Variants in VPS13C observed in about 807,000 individuals in gnomAD.
The protein encoded by VPS13C is vacuolar protein sorting 13 homolog C.
Under a neutral mutation model 456.8 loss-of-function variants are expected in VPS13C, and 358 were observed. That is an observed-to-expected ratio of 0.78 (90% confidence interval 0.72 to 0.86). VPS13C has a LOEUF of 0.86. VPS13C is among the 40% of genes least tolerant of loss of function. VPS13C has a pLI of 0.00. For synonymous variants in VPS13C, 1,578 were observed against 1,486.7 expected, an observed-to-expected ratio of 1.06 and a Z score of -1.41; for missense variants, 4,818 against 4,385.4, an observed-to-expected ratio of 1.10 and a Z score of -2.79.
chr15:61,941,835 G>A lies in VPS13C; in HGVS notation c.5381C>T (p.Pro1794Leu), dbSNP rs2044436713. Residue 1794 changes from proline (P) to leucine (L), a missense_variant, in exon 46 of 85, where the codon CCT becomes CTT. This residue lies in a region of VPS13C where 4,552 missense variants were observed against 4,130.6 expected (regional missense o/e 1.10). Coordinates refer to ENST00000644861, the MANE Select transcript of VPS13C (RefSeq NM_020821.3). ...TGGAGGAAGAGAATAATGTTCCATA[G>A]GAACCAAGCTAAACTTGTTTTCAAC... The part of the protein sequence containing the change: ...IRVENKFSLV[P>L]MEHYSLPPVI... The A allele has an allele frequency of 6.2e-7, 1 of 1,613,878 alleles. No homozygotes were observed. The highest frequency in any genetic ancestry group is 8.5e-7 in the Non-Finnish European group (1 of 1,179,822).
In VPS13C at chr15:61,917,554, T is replaced by C; in HGVS notation, c.7842A>G (p.Glu2614=). The change falls in exon 60 of 85, where the codon GAA becomes GAG. Residue 2614 remains glutamate (E), a synonymous_variant. Coordinates refer to ENST00000644861, the MANE Select transcript of VPS13C (RefSeq NM_020821.3). ...ESTTYISWKE[E]LHRSREVRCM... The stretch of plus-strand genomic sequence containing the variant: ...ATCTGACTTCCCTGCTCCTATGAAG[T>C]TCTTCCTTCCAGGAAATATAAGTGG... 9.3e-6 allele frequency: 15 copies of C among 1,614,028 alleles called. No individual in the cohort carries two copies. The highest frequency in any genetic ancestry group is 1.3e-5 in the Non-Finnish European group (15 of 1,179,898).
intron 79 of VPS13C, among the ~76,000 whole-genome samples, chr15:61,870,006 C>G: frequency 6.6e-6 from 1 of 151,986 alleles, no homozygotes; most frequent in East Asian, 1.9e-4. Flanking sequence ...TTAATGCTGA[C>G]CGTTAGATTT....
At chr15:61,900,132 T>A (rs989388923) in intron 66 of VPS13C, among the ~76,000 whole-genome samples, 1 of 152,124 alleles carries the variant, frequency 6.6e-6, no homozygotes, top group Non-Finnish European at 1.5e-5. Flanking sequence ...AAAAGCTATC[T>A]ATGACAAACC....
chr15:61,870,985 T>C (rs1894982154), intron 79 of VPS13C, among the ~76,000 whole-genome samples: 1 of 152,192 alleles, frequency 6.6e-6, no homozygotes, highest in Non-Finnish European at 1.5e-5. Flanking sequence ...TTTTAATAGT[T>C]CTCTATATTT....
At chr15:62,058,383 G>A (rs939181098) in intron 1 of VPS13C, among the ~76,000 whole-genome samples, 1 of 151,968 alleles carries the variant, frequency 6.6e-6, no homozygotes, top group Admixed American at 6.6e-5. Flanking sequence ...GTGGTGGGGG[G>A]ATGTAAACAA....
intron 47 of VPS13C, 34 bp from the exon 48 acceptor site, chr15:61,936,784 A>G (rs760803256): frequency 6.4e-7 from 1 of 1,561,182 alleles, no homozygotes; most frequent in African/African-American, 1.4e-5. Context: ...AACTCTAAGT[A>G]ATAAAAAAAA....
At chr15:61,976,832 T>C (rs191162384) in intron 24 of VPS13C, among the ~76,000 whole-genome samples, 30 of 152,136 alleles carry the variant, frequency 2.0e-4, no homozygotes, top group Admixed American at 1.4e-3. Context: ...ATATTAAGCA[T>C]TGGATTCGAT....
intron 48 of VPS13C, 23 bp from the exon 49 acceptor site, chr15:61,934,354 T>C (rs1386329196): frequency 7.5e-7 from 1 of 1,339,284 alleles, no homozygotes; most frequent in Non-Finnish European, 1.0e-6. Flanking sequence ...ATTTAAAAGC[T>C]TTTAAGTAGG....
intron 66 of VPS13C, among the ~76,000 whole-genome samples, chr15:61,904,582 G>A (rs1219267961): frequency 1.3e-5 from 2 of 151,470 alleles, no homozygotes; most frequent in African/African-American, 4.8e-5. Flanking sequence ...ATGGAAAACA[G>A]TATGGAGTTT....
chr15:61,884,700 CTTT>C lies in VPS13C; in HGVS notation c.9342-434_9342-432del, dbSNP rs942309556. On this transcript the variant is annotated intron_variant, in intron 67 of 84. Transcript: ENST00000644861. ...AGTCTATTAATGAAAAAAAAAACTT[CTTT>C]TGTGAAAGTAACATGTCACTTAGTG... 3.9e-3 allele frequency among the ~76,000 whole-genome samples: 594 copies of C among 151,746 alleles called. 3 individuals carry two copies. The highest frequency in any genetic ancestry group is 0.014 in the African/African-American group (563 of 41,390).
chr15:61,873,097 C>A, intron 78 of VPS13C, 149 bp downstream of exon 78: 1 of 1,250,672 alleles, frequency 8.0e-7, no homozygotes, highest in Admixed American at 2.5e-5. Flanking sequence ...GGAAGGGGAG[C>A]AAAAAGGAAA....
intron 5 of VPS13C, among the ~76,000 whole-genome samples, chr15:62,029,380 A>G (rs2047737577): frequency 1.3e-5 from 2 of 152,048 alleles, no homozygotes; most frequent in South Asian, 4.1e-4. Flanking sequence ...CCAACCCTAC[A>G]TCCAACTACT....
chr15:62,025,061 G>A (rs2047588836), intron 6 of VPS13C, among the ~76,000 whole-genome samples: 1 of 152,036 alleles, frequency 6.6e-6, no homozygotes, highest in Admixed American at 6.6e-5. Flanking sequence ...CAATTGTCTT[G>A]CCATCAGGCA....
At chr15:62,050,645 C>CA (rs1038303454) in intron 1 of VPS13C, among the ~76,000 whole-genome samples, 13 of 151,598 alleles carry the variant, frequency 8.6e-5, no homozygotes, top group Admixed American at 8.5e-4. Context: ...CTAAAAAATA[C>CA]AAAAAAATTA....
At position 61,922,769 on chromosome 15, in the gene VPS13C, A is replaced by C; in HGVS notation, c.6610-7T>G. On this transcript the variant is annotated splice_polypyrimidine_tract_variant and splice_region_variant and intron_variant, in intron 53 of 84. Transcript: ENST00000644861. ...TAAGAATTATGGGTGAAATCTTTAA[A>C]AAAGAAAGCAGAAAAATATTTATAA... The C allele has an allele frequency of 6.4e-7, 1 of 1,552,004 alleles. No homozygotes were observed. Among genetic ancestry groups the C allele is most frequent in the African/African-American group, 1.4e-5 (1 of 72,264 alleles).
intron 67 of VPS13C, among the ~76,000 whole-genome samples, chr15:61,889,035 A>G (rs994180092): frequency 4.6e-5 from 7 of 152,154 alleles, no homozygotes; most frequent in African/African-American, 1.4e-4. Flanking sequence ...GTGATTTTTA[A>G]AATTATGTAA....
intron 3 of VPS13C, among the ~76,000 whole-genome samples, chr15:62,037,258 TATATTATATTATATAATATATTATATA>T (rs2048049828): frequency 3.9e-5 from 1 of 25,660 alleles, no homozygotes; most frequent in Non-Finnish European, 6.9e-5. Flanking sequence ...TATATTTATA[TATATTATATTATATAATATATTATATA>T]TATTATATTA....
intron 81 of VPS13C, chr15:61,865,885 G>C: frequency 4.2e-6 from 4 of 960,620 alleles, no homozygotes; most frequent in Non-Finnish European, 5.0e-6. Flanking sequence ...TCTCAAAGCT[G>C]CATATTAAAG....
intron 18 of VPS13C, among the ~76,000 whole-genome samples, chr15:61,987,691 C>A (rs533002229): frequency 2.0e-5 from 3 of 152,170 alleles, no homozygotes; most frequent in South Asian, 2.1e-4. Context: ...AAACCACAGT[C>A]GAGGAACATA....
Sources: allele counts gnomAD v4.1 joint callset (sites outside exome capture counted in the v4.1 genomes callset), GRCh38; gene constraint gnomAD v4.1.1; regional missense constraint gnomAD v4.1.1; transcripts MANE v1.5; gene names NCBI Gene and HGNC (gene_info 2026-07-23, HGNC 2026-07-21).